The following NCKAP5L variants were observed in gnomAD, a reference collection of about 807,000 sequenced individuals.
The protein encoded by NCKAP5L is NCK associated protein 5 like, also known as nck-associated protein 5-like.
In NCKAP5L, 54 loss-of-function variants were observed where a neutral mutation model predicts 103.2. The observed-to-expected ratio is 0.52, with a 90% confidence interval of 0.42 to 0.66. NCKAP5L has a LOEUF of 0.66. Among genes scored for constraint, NCKAP5L ranks in the 30% least tolerant of loss-of-function variants. The pLI, the probability that NCKAP5L is intolerant of heterozygous loss-of-function variation, is 0.00. For missense variants in NCKAP5L, 1,733 were observed against 1,750.6 expected (o/e 0.99, Z 0.18); for synonymous variants, 762 against 748.6 (o/e 1.02, Z -0.29).
intron 3 of NCKAP5L, among the ~76,000 whole-genome samples, chr12:49,803,708 C>G (rs867406684): frequency 1.3e-5 from 2 of 152,144 alleles, no homozygotes; most frequent in Non-Finnish European, 2.9e-5. Context: ...TTCTTGTCCC[C>G]GAGCCGTCAC....
At chr12:49,798,226 T>C (rs1075366) in intron 7 of NCKAP5L, 124 bp downstream of exon 7, 427,493 of 875,782 alleles carry the variant, frequency 0.49, 113,990 homozygotes, top group East Asian at 0.81. Context: ...ATCTGCTTTT[T>C]TTGGCATTCG....
At chr12:49,799,488 T>A (rs984817884) in intron 6 of NCKAP5L, among the ~76,000 whole-genome samples, 20 of 150,358 alleles carry the variant, frequency 1.3e-4, no homozygotes, top group African/African-American at 3.9e-4. Context: ...TAAAAAAAAA[T>A]TTTTTTTTTG....
Position 49,801,950 on chromosome 12 carries a change from G to A in NCKAP5L, c.249C>T (p.Cys83=), listed in dbSNP as rs370290010. The change falls in exon 6 of 13, where the codon TGC becomes TGT. Residue 83 remains cysteine, a synonymous_variant. Coordinates refer to ENST00000335999, the MANE Select transcript of NCKAP5L (RefSeq NM_001037806.4). ...LLNQKDLREE[C]IKLKKRVFDL... is the part of the protein sequence containing the mutation. ...CAAACACTCTCTTCTTCAGCTTGAT[G>A]CACTCCTCTCGCAGGTCCTGCCGCC... is the stretch of plus-strand genomic sequence containing the variant. The A allele has an allele frequency of 1.8e-5, 29 of 1,613,762 alleles. No homozygotes were observed. Among genetic ancestry groups the A allele is most frequent in the Non-Finnish European group, 1.3e-5 (15 of 1,179,882 alleles).
rs367634876 is a variant in NCKAP5L, at chr12:49,796,422, G to A, written c.1438C>T (p.Leu480Phe). The A allele has an allele frequency of 9.0e-6, 14 of 1,562,990 alleles. No individual in the cohort carries two copies. Among genetic ancestry groups the A allele is most frequent in the Non-Finnish European group, 1.2e-5 (14 of 1,157,116 alleles). The change falls in exon 8 of 13, where the codon CTC becomes TTC. Residue 480 changes from leucine (L) to phenylalanine (F), a missense_variant. Coordinates refer to ENST00000335999, the MANE Select transcript of NCKAP5L (RefSeq NM_001037806.4). Reference sequence around the variant, plus strand: ...CAGGGGATTCGCGAGTTCCGGGGGAGCTGGGGACTGAGCTGCGGGCCTCCT... The same window carrying A: ...CAGGGGATTCGCGAGTTCCGGGGGAACTGGGGACTGAGCTGCGGGCCTCCT... ...SPGGPQLSPQ[L>F]PRNSRIPCRN... is the part of the protein sequence containing the mutation.
Position 49,792,664 on chromosome 12 carries a change from A to T in NCKAP5L, c.3649+14T>A, listed in dbSNP as rs756436532. 1 of 1,613,036 alleles carries T rather than the reference A, an allele frequency of 6.2e-7. No individual in the cohort carries two copies. Among genetic ancestry groups the T allele is most frequent in the Admixed American group, 1.7e-5 (1 of 59,874 alleles). On this transcript the variant is annotated intron_variant, in intron 11 of 12. Transcript: ENST00000335999. The surrounding 1 kb of genome is among the most constrained non-coding windows in gnomAD (Gnocchi z 4.5). ...ATGCCCAGGGGCATCCCACCCTCCCACCTGGACACTCACCATCAGGACAGG... is the reference window on the plus strand; with the variant it reads ...ATGCCCAGGGGCATCCCACCCTCCCTCCTGGACACTCACCATCAGGACAGG...
intron 6 of NCKAP5L, 88 bp from the exon 7 acceptor site, chr12:49,798,551 C>T (rs1471359259): frequency 1.3e-5 from 14 of 1,096,340 alleles, no homozygotes; most frequent in South Asian, 6.8e-5. Flanking sequence ...CCTCTGAGTC[C>T]GCTCCTTCAC....
intron 2 of NCKAP5L, 29 bp from the exon 3 acceptor site, chr12:49,804,109 A>C (rs1055141936): frequency 9.7e-5 from 154 of 1,590,426 alleles, no homozygotes; most frequent in Non-Finnish European, 1.3e-4. Context: ...AGGAAGTGAG[A>C]AGGAGGAGGA....
intron 10 of NCKAP5L, 64 bp downstream of exon 10, chr12:49,793,283 GAAGTA>G (rs1411327546): frequency 1.8e-5 from 26 of 1,474,532 alleles, no homozygotes; most frequent in Admixed American, 3.4e-5. Context: ...GGGACGGGAA[GAAGTA>G]AAGTGGGAAG....
chr12:49,824,935 C>T (rs994327193), intron 1 of NCKAP5L, among the ~76,000 whole-genome samples: 3 of 152,192 alleles, frequency 2.0e-5, no homozygotes, highest in Non-Finnish European at 2.9e-5. Flanking sequence ...TCTCCAAGGG[C>T]CCAGCTTTCT....
rs559439250 is a variant in NCKAP5L at position 49,825,271 on chromosome 12, A to T, written c.-99+3051T>A. On this transcript the variant is annotated intron_variant, in intron 1 of 12. Transcript: ENST00000335999. The stretch of plus-strand genomic sequence containing the variant: ...CCCAAACTCCAAGTATAGAAAATCC[A>T]ATCAGTCCATTAATGCAGCCAGACT... Among the ~76,000 whole-genome samples, 8 of 152,330 alleles carry T rather than the reference A, an allele frequency of 5.3e-5. No individual in the cohort carries two copies. The South Asian group carries it at 1.7e-3, about 32-fold the overall frequency.
At chr12:49,802,842 G>T in intron 5 of NCKAP5L, 116 bp downstream of exon 5, 2 of 1,274,704 alleles carry the variant, frequency 1.6e-6, no homozygotes, top group African/African-American at 1.5e-5. Flanking sequence ...CGCCCAAGGC[G>T]GAAAGACGGG....
At chr12:49,805,691 T>C (rs11611070) in intron 2 of NCKAP5L, 40,038 of 151,674 alleles carry the variant, frequency 0.26, 5,884 homozygotes, top group South Asian at 0.37. Flanking sequence ...CTGGGCAACA[T>C]ACTGAGACCG....
At chr12:49,805,193 C>G (rs939010545) in intron 2 of NCKAP5L, 7 of 152,396 alleles carry the variant, frequency 4.6e-5, no homozygotes, top group African/African-American at 1.7e-4. Context: ...CAGCCTCCCC[C>G]ACCAGACAGT....
intron 1 of NCKAP5L, among the ~76,000 whole-genome samples, chr12:49,814,873 C>T (rs908141482): frequency 6.6e-6 from 1 of 152,220 alleles, no homozygotes; most frequent in Admixed American, 6.5e-5. Flanking sequence ...AATCCCTCGA[C>T]CTTTCCTTAC....
chr12:49,791,296 AC>A lies in NCKAP5L; in HGVS notation c.*542del, dbSNP rs1945930603. On this transcript the variant is annotated 3_prime_UTR_variant, in exon 13 of 13. Coordinates refer to ENST00000335999, the MANE Select transcript of NCKAP5L (RefSeq NM_001037806.4). ...GGCGCTTCAATATATAAAAACAACA[AC>A]AAAAAAGACGGACGAACAGACCCCA... The A allele has an allele frequency of 6.5e-6, 1 of 153,148 alleles. No homozygotes were observed. The highest frequency in any genetic ancestry group is 2.4e-5 in the African/African-American group (1 of 41,424). 9.5% of individuals were successfully genotyped at this position (153,148 alleles called of 1,614,324 possible).
In NCKAP5L at chr12:49,793,473, C is replaced by A. The variant is rs762719176; in HGVS notation, c.3259-40G>T. Reference sequence around the variant, plus strand: ...GGAGACCTCATAGTCCACTCCTCCCCCCTCCACACCCCTCCCCATGCCTCT... The same window carrying A: ...GGAGACCTCATAGTCCACTCCTCCCACCTCCACACCCCTCCCCATGCCTCT... On this transcript the variant is annotated intron_variant, in intron 9 of 12. Transcript: ENST00000335999. 6.4e-6 allele frequency: 10 copies of A among 1,574,790 alleles called. No individual in the cohort carries two copies. In the Middle Eastern group the frequency reaches 5.0e-4, roughly 79 times the overall value.
intron 1 of NCKAP5L, among the ~76,000 whole-genome samples, chr12:49,824,917 ACT>A (rs1946399885): frequency 6.6e-6 from 1 of 152,014 alleles, no homozygotes; most frequent in African/African-American, 2.4e-5. Context: ...CTGCGATAAC[ACT>A]CTGACTCTCC....
In NCKAP5L at chr12:49,803,965, G is replaced by A. The variant is rs1305195549; in HGVS notation, c.80C>T (p.Pro27Leu). ...PGEGDDGSME[P>L]GTCQELLHRL... ...GTGCAGAAGCTCCTGGCAGGTGCCTGGCTCCATGCTGCCATCATCACCCTC... is the reference window on the plus strand; with the variant it reads ...GTGCAGAAGCTCCTGGCAGGTGCCTAGCTCCATGCTGCCATCATCACCCTC... Residue 27 changes from proline to leucine, a missense_variant, in exon 3 of 13, where the codon CCA (proline) becomes CTA (leucine). Pro to Leu is a moderately conservative substitution (Grantham distance 98). Coordinates refer to ENST00000335999, the MANE Select transcript of NCKAP5L (RefSeq NM_001037806.4). The A allele has an allele frequency of 6.8e-6, 11 of 1,611,630 alleles. No individual in the cohort carries two copies. Among genetic ancestry groups the A allele is most frequent in the Non-Finnish European group, 9.3e-6 (11 of 1,179,988 alleles).
chr12:49,808,216 C>T (rs1016303190), intron 1 of NCKAP5L, among the ~76,000 whole-genome samples: 1 of 152,232 alleles, frequency 6.6e-6, no homozygotes, highest in African/African-American at 2.4e-5. Flanking sequence ...CCGAGTTCCA[C>T]TGAGAATGGG....
Sources: gnomAD v4.1 joint callset for allele counts (sites outside exome capture counted in the v4.1 genomes callset) on GRCh38, gnomAD v4.1.1 for gene constraint, Gnocchi (gnomAD v3.1) non-coding constraint, MANE v1.5 for transcripts, NCBI Gene and HGNC (gene_info 2026-07-23, HGNC 2026-07-21) for gene names.